The following NLK variants were observed in gnomAD, a reference collection of about 807,000 sequenced individuals.
NLK encodes the protein serine/threonine-protein kinase NLK.
In NLK, 11 loss-of-function variants were observed where a neutral mutation model predicts 59.0. That is an observed-to-expected ratio of 0.19 (90% CI 0.12 to 0.31). NLK has a LOEUF of 0.31. Among genes scored for constraint, NLK ranks in the 10% least tolerant of loss-of-function variants. The probability of loss-of-function intolerance (pLI) is 1.00; values close to 1 mark genes in which losing one functional copy is unlikely to be tolerated. For missense variants in NLK, 410 were observed against 661.1 expected, an observed-to-expected ratio of 0.62 and a Z score of 4.16; for synonymous variants, 235 against 235.9, an observed-to-expected ratio of 1.00 and a Z score of 0.03.
At chr17:28,111,622 C>T (rs898740983) in intron 1 of NLK, among the ~76,000 whole-genome samples, 2 of 152,262 alleles carry the variant, frequency 1.3e-5, no homozygotes, top group Admixed American at 6.5e-5. Flanking sequence ...TCACCTCTGA[C>T]GGTTGTCATT....
chr17:28,155,987 A>T (rs963409588), intron 3 of NLK, among the ~76,000 whole-genome samples: 4 of 152,202 alleles, frequency 2.6e-5, no homozygotes, highest in African/African-American at 9.6e-5. Flanking sequence ...CATGCACATT[A>T]GTTTCATCAA....
chr17:28,069,713 C>G (rs1909944989), intron 1 of NLK, among the ~76,000 whole-genome samples: 1 of 151,904 alleles, frequency 6.6e-6, no homozygotes. Flanking sequence ...AGTTTTCCAC[C>G]CATTTAAATG....
intron 2 of NLK, among the ~76,000 whole-genome samples, chr17:28,123,248 T>TTTCA (rs1457741360): frequency 3.9e-5 from 6 of 152,312 alleles, no homozygotes; most frequent in African/African-American, 1.4e-4. Context: ...TTTGTCAATC[T>TTTCA]GAATGTCTTT....
intron 3 of NLK, among the ~76,000 whole-genome samples, chr17:28,154,410 CT>C (rs1046949004): frequency 7.2e-5 from 11 of 152,242 alleles, no homozygotes; most frequent in South Asian, 4.2e-4. Flanking sequence ...TTGGAGGACT[CT>C]TCTGAATAAA....
intron 1 of NLK, among the ~76,000 whole-genome samples, chr17:28,115,811 C>T (rs1277763205): frequency 2.0e-5 from 3 of 151,826 alleles, no homozygotes; most frequent in Non-Finnish European, 4.4e-5. Flanking sequence ...TGAGTAGCAT[C>T]TGTTAGCTTT....
At chr17:28,160,345 C>T (rs1907954628) in intron 3 of NLK, among the ~76,000 whole-genome samples, 1 of 152,200 alleles carries the variant, frequency 6.6e-6, no homozygotes, top group Non-Finnish European at 1.5e-5. Flanking sequence ...ATCCCCTTTC[C>T]TACTTGTTTT....
rs1325115174 is a variant in NLK, at chr17:28,172,585, T to C, written c.1116T>C (p.Ala372=). The C allele has an allele frequency of 6.3e-7, 1 of 1,592,094 alleles. No individual in the cohort carries two copies. The highest frequency in any genetic ancestry group is 8.5e-7 in the Non-Finnish European group (1 of 1,169,924). Residue 372 remains alanine (A), a synonymous_variant, in exon 7 of 11, where the codon GCT becomes GCC. Coordinates refer to ENST00000407008, the MANE Select transcript of NLK (RefSeq NM_016231.5). ...CAATGAGGACAGCTTGTGAAGGCGC[T>C]AAGGCACATATACTCAGGGGTCCTC... ...LEAMRTACEG[A]KAHILRGPHK... is the part of the protein sequence containing the mutation.
At chr17:28,147,509 G>A (rs1907304570) in intron 3 of NLK, among the ~76,000 whole-genome samples, 1 of 152,138 alleles carries the variant, frequency 6.6e-6, no homozygotes, top group South Asian at 2.1e-4. Context: ...GTACAGATCT[G>A]CTTTAATTGG....
chr17:28,126,378 A>G (rs1314477993), intron 2 of NLK, among the ~76,000 whole-genome samples: 2 of 152,220 alleles, frequency 1.3e-5, no homozygotes, highest in South Asian at 2.1e-4. Context: ...GGCAAGTACC[A>G]TAATATTAAG....
chr17:28,165,058 G>A (rs937225954), intron 5 of NLK, among the ~76,000 whole-genome samples: 2 of 152,040 alleles, frequency 1.3e-5, no homozygotes, highest in African/African-American at 4.8e-5. Flanking sequence ...CCACAGAGAA[G>A]TTAATTGCCA....
Position 28,168,947 on chromosome 17 carries a change from G to A in NLK, c.1047+290G>A, listed in dbSNP as rs1424786183. ...GTTGCCCAGGCTGGAGTGCAATGGTGCCATTTTGGCTCACTGCAACCTCCA... is the reference window on the plus strand; with the variant it reads ...GTTGCCCAGGCTGGAGTGCAATGGTACCATTTTGGCTCACTGCAACCTCCA... On this transcript the variant is annotated intron_variant, in intron 6 of 10. Transcript: ENST00000407008. Among the ~76,000 whole-genome samples the A allele has an allele frequency of 2.0e-5, 3 of 152,192 alleles. No individual in the cohort carries two copies. In the East Asian group the frequency reaches 5.8e-4, roughly 29 times the overall value.
At chr17:28,048,985 A>G (rs1361194454) in intron 1 of NLK, 1 of 152,188 alleles carries the variant, frequency 6.6e-6, no homozygotes. Context: ...ACTCCAGTGA[A>G]TTATTTGTTG....
chr17:28,202,059 A>C, the NLK span, among the ~76,000 whole-genome samples: 2 of 152,098 alleles, frequency 1.3e-5, no homozygotes, highest in Non-Finnish European at 2.9e-5. Context: ...TGATAGAGAA[A>C]AACTATGTGA....
chr17:28,056,698 A>C (rs1909455815), intron 1 of NLK, among the ~76,000 whole-genome samples: 1 of 152,184 alleles, frequency 6.6e-6, no homozygotes, highest in East Asian at 1.9e-4. Context: ...ACTAAGTTGT[A>C]TATCTATTTT....
intron 8 of NLK, among the ~76,000 whole-genome samples, chr17:28,188,138 G>T (rs748799772): frequency 7.9e-5 from 12 of 152,168 alleles, no homozygotes; most frequent in Non-Finnish European, 1.5e-4. Flanking sequence ...AGGAGGTTAA[G>T]GCCAAGGCCA....
At chr17:28,060,082 C>G (rs769790395) in intron 1 of NLK, among the ~76,000 whole-genome samples, 6 of 152,130 alleles carry the variant, frequency 3.9e-5, no homozygotes, top group Non-Finnish European at 8.8e-5. Context: ...TCATGAGCAG[C>G]ATGCACCAGT....
At chr17:28,158,545 G>A (rs1040996290) in intron 3 of NLK, among the ~76,000 whole-genome samples, 5 of 151,814 alleles carry the variant, frequency 3.3e-5, no homozygotes, top group South Asian at 4.2e-4. Context: ...TTTTACTTTC[G>A]AAACTTTTTA....
At chr17:28,090,785 ACT>A (rs547784580) in intron 1 of NLK, among the ~76,000 whole-genome samples, 217 of 151,876 alleles carry the variant, frequency 1.4e-3, no homozygotes, top group African/African-American at 4.9e-3. Context: ...CAAAGATGTT[ACT>A]CTGTTATTTT....
At chr17:28,175,399 C>T (rs543201193) in intron 7 of NLK, among the ~76,000 whole-genome samples, 2 of 151,170 alleles carry the variant, frequency 1.3e-5, no homozygotes, top group South Asian at 2.1e-4. Flanking sequence ...TGCAGTGAGC[C>T]GAGATCACGC....
Sources: allele counts gnomAD v4.1 joint callset (sites outside exome capture counted in the v4.1 genomes callset), GRCh38; gene constraint gnomAD v4.1.1; transcripts MANE v1.5; gene names NCBI Gene and HGNC (gene_info 2026-07-23, HGNC 2026-07-21).